MON1B: variants seen among roughly 807,000 people sequenced by gnomAD.
MON1B encodes the protein vacuolar fusion protein MON1 homolog B.
MON1B carries 26 observed loss-of-function variants against 45.1 expected under a neutral mutation model. That is an observed-to-expected ratio of 0.58 (90% confidence interval 0.42 to 0.80). The LOEUF is 0.80. MON1B is among the 30% of genes least tolerant of loss of function. The probability of loss-of-function intolerance (pLI) is 0.00; values close to 1 mark genes in which losing one functional copy is unlikely to be tolerated. For synonymous variants in MON1B, 395 were observed against 320.2 expected (o/e 1.23, Z -2.49); for missense variants, 737 against 754.5 (o/e 0.98, Z 0.27).
Position 77,195,826 on chromosome 16 carries a change from C to G in MON1B, c.1443+144C>G, listed in dbSNP as rs1466469611. 8.5e-6 allele frequency: 8 copies of G among 941,416 alleles called. No homozygotes were observed. In the South Asian group the frequency reaches 1.0e-4, roughly 12 times the overall value. The allele number at this position is 941,416 out of a possible 1,614,324, so 58.3% of individuals were successfully genotyped here. On this transcript the variant is annotated intron_variant, in intron 5 of 5. Transcript: ENST00000248248. The stretch of plus-strand genomic sequence containing the variant: ...GCCTTGCCTGCAACACTGTCCCTGC[C>G]TTTACACACACATCTTTGAAGCCCC...
chr16:77,197,653 C>T (rs1451380170), intron 5 of MON1B, among the ~76,000 whole-genome samples: 1 of 152,044 alleles, frequency 6.6e-6, no homozygotes, highest in East Asian at 1.9e-4. Context: ...GGGGAGCGCT[C>T]TGGGAGGTGG....
rs757888203 is a variant in MON1B at position 77,199,438 on chromosome 16, C to G, written c.*1130C>G. On this transcript the variant is annotated 3_prime_UTR_variant, in exon 6 of 6. Coordinates refer to ENST00000248248, the MANE Select transcript of MON1B (RefSeq NM_014940.4). The stretch of plus-strand genomic sequence containing the variant: ...TCATCAAGCGAGGCTCGCGCGCAGG[C>G]CCCGCGTTGGAAAATGGCGGGGAAG... 25 of 1,551,444 alleles carry G rather than the reference C, an allele frequency of 1.6e-5. No individual in the cohort carries two copies. Among genetic ancestry groups the G allele is most frequent in the Middle Eastern group, 3.4e-4 (2 of 5,880 alleles).
chr16:77,194,415 C>A lies in MON1B; in HGVS notation c.556C>A (p.Leu186Met). 6.2e-7 allele frequency: 1 copy of A among 1,613,724 alleles called. No individual in the cohort carries two copies. The highest frequency in any genetic ancestry group is 1.1e-5 in the South Asian group (1 of 91,082). Residue 186 changes from leucine (L) to methionine (M), a missense_variant, in exon 4 of 6, where the codon CTG becomes ATG. By Grantham distance (15) the Leu-to-Met change is conservative. Coordinates refer to ENST00000248248, the MANE Select transcript of MON1B (RefSeq NM_014940.4). This position sits in a 1 kb window ranked among gnomAD's most constrained non-coding sequence, Gnocchi z 8.1. ...MSRTSQSAAQ[L>M]RGELLAVHAQ... ...ACGGACTTCTCAGTCAGCAGCCCAG[C>A]TGCGGGGGGAGCTGCTAGCTGTGCA... is the stretch of plus-strand genomic sequence containing the variant.
At chr16:77,195,425 G>A in intron 4 of MON1B, 110 bp from the exon 5 acceptor site, 4 of 1,342,304 alleles carry the variant, frequency 3.0e-6, no homozygotes, top group South Asian at 1.5e-5. Context: ...AGTCTCATGG[G>A]AGAGGCTCAG....
Position 77,194,978 on chromosome 16 carries a change from G to T in MON1B, c.1119G>T (p.Gly373=). 1 of 1,613,904 alleles carries T rather than the reference G, an allele frequency of 6.2e-7. No homozygotes were observed. Among genetic ancestry groups the T allele is most frequent in the Non-Finnish European group, 8.5e-7 (1 of 1,180,032 alleles). ...CCTGCCGGCGCCTGGTTGAAGATGGGATGCATGCCCTTGGTGCCATGCGTG... is the reference window on the plus strand; with the variant it reads ...CCTGCCGGCGCCTGGTTGAAGATGGTATGCATGCCCTTGGTGCCATGCGTG... ...MAACRRLVED[G]MHALGAMRAL... is the part of the protein sequence containing the mutation. Residue 373 remains glycine (G), a synonymous_variant, in exon 4 of 6, where the codon GGG becomes GGT. Transcript: ENST00000248248. This position sits in a 1 kb window ranked among gnomAD's most constrained non-coding sequence, Gnocchi z 8.1.
Position 77,193,337 on chromosome 16 carries a change from C to A in MON1B, c.149-114C>A. ...AGGGGCATAGGAGACACTTGGAGTTCTGCGTCAGCATGCAGGGGTCATGGA... is the reference window on the plus strand; with the variant it reads ...AGGGGCATAGGAGACACTTGGAGTTATGCGTCAGCATGCAGGGGTCATGGA... On this transcript the variant is annotated intron_variant, in intron 2 of 5. Transcript: ENST00000248248. This position sits in a 1 kb window ranked among gnomAD's most constrained non-coding sequence, Gnocchi z 5.0. The A allele has an allele frequency of 9.7e-7, 1 of 1,028,196 alleles. No homozygotes were observed. The highest frequency in any genetic ancestry group is 1.4e-6 in the Non-Finnish European group (1 of 710,170). 63.7% of individuals were successfully genotyped at this position (1,028,196 alleles called of 1,614,324 possible). A position where few individuals can be genotyped will look rare whatever the true frequency, so the allele number is the denominator to read the frequency against.
Position 77,200,252 on chromosome 16 carries a change from ATG to A in MON1B, c.*1948_*1949del, listed in dbSNP as rs759418378. The A allele has an allele frequency of 9.5e-6, 1 of 105,576 alleles. No homozygotes were observed. Among genetic ancestry groups the A allele is most frequent in the Non-Finnish European group, 2.0e-5 (1 of 49,640 alleles). 6.5% of individuals were successfully genotyped at this position (105,576 alleles called of 1,614,324 possible). On this transcript the variant is annotated 3_prime_UTR_variant, in exon 6 of 6. Coordinates refer to ENST00000248248, the MANE Select transcript of MON1B (RefSeq NM_014940.4). The stretch of plus-strand genomic sequence containing the variant: ...TGTGTGTATATATATATATATGTAT[ATG>A]TGTATATATATATATATGTGTATAT...
intron 5 of MON1B, among the ~76,000 whole-genome samples, chr16:77,196,346 A>G (rs2054665157): frequency 6.6e-6 from 1 of 150,768 alleles, no homozygotes; most frequent in African/African-American, 2.5e-5. Context: ...AGAAGCTGCA[A>G]AAACAATATA....
rs1031870471 is a variant in MON1B at position 77,193,302 on chromosome 16, C to T, written c.149-149C>T. 1.2e-5 allele frequency: 8 copies of T among 691,018 alleles called. No homozygotes were observed. Among genetic ancestry groups the T allele is most frequent in the East Asian group, 5.5e-5 (2 of 36,406 alleles). The allele number at this position is 691,018 out of a possible 1,614,324, so 42.8% of individuals were successfully genotyped here. On this transcript the variant is annotated intron_variant, in intron 2 of 5. Transcript: ENST00000248248. This position sits in a 1 kb window ranked among gnomAD's most constrained non-coding sequence, Gnocchi z 5.0. ...CATTGCGGGGTCCTAGGGCAGTCAT[C>T]GGGTCATTGAGGGGCATAGGAGACA...
In MON1B at chr16:77,201,066, G is replaced by C. The variant is rs1174928526; in HGVS notation, c.*2758G>C. 1.3e-5 allele frequency: 2 copies of C among 152,172 alleles called. No homozygotes were observed. Among genetic ancestry groups the C allele is most frequent in the African/African-American group, 4.8e-5 (2 of 41,434 alleles). The allele number at this position is 152,172 out of a possible 1,614,324, so 9.4% of individuals were successfully genotyped here. On this transcript the variant is annotated 3_prime_UTR_variant, in exon 6 of 6. Transcript: ENST00000248248. ...TGATTATTGCTTATTGCCTGACCTA[G>C]GATGTGAGCTCCATGAGAACAGAGA...
Position 77,198,445 on chromosome 16 carries a change from G to A in MON1B, c.*137G>A, listed in dbSNP as rs1597378628. 4.2e-6 allele frequency: 4 copies of A among 947,110 alleles called. No homozygotes were observed. Among genetic ancestry groups the A allele is most frequent in the South Asian group, 1.6e-5 (1 of 61,516 alleles). The allele number at this position is 947,110 out of a possible 1,614,324, so 58.7% of individuals were successfully genotyped here. The stretch of plus-strand genomic sequence containing the variant: ...CTAAGCAATGGGGCAAGGTCTGAGG[G>A]CCCACCGATGAGAGAGATGGTGGCA... On this transcript the variant is annotated 3_prime_UTR_variant, in exon 6 of 6. Coordinates refer to ENST00000248248, the MANE Select transcript of MON1B (RefSeq NM_014940.4).
chr16:77,199,253 T>TA lies in MON1B; in HGVS notation c.*946dup. ...CTAGTTCTGCCCTTGTTTGTGGAGT[T>TA]ACAGCCTCAAGGTTGTAGCATGTGT... On this transcript the variant is annotated 3_prime_UTR_variant, in exon 6 of 6. Transcript: ENST00000248248. 2 of 579,938 alleles carry TA rather than the reference T, an allele frequency of 3.4e-6. No individual in the cohort carries two copies. The highest frequency in any genetic ancestry group is 6.2e-6 in the Non-Finnish European group (2 of 321,488). The allele number at this position is 579,938 out of a possible 1,614,324, so 35.9% of individuals were successfully genotyped here. A position where few individuals can be genotyped will look rare whatever the true frequency, so the allele number is the denominator to read the frequency against.
rs1407345518 is a variant in MON1B at position 77,201,573 on chromosome 16, A to C, written c.*3265A>C. 6.6e-6 allele frequency: 1 copy of C among 152,196 alleles called. No individual in the cohort carries two copies. The highest frequency in any genetic ancestry group is 2.4e-5 in the African/African-American group (1 of 41,448). 9.4% of individuals were successfully genotyped at this position (152,196 alleles called of 1,614,324 possible). On this transcript the variant is annotated 3_prime_UTR_variant, in exon 6 of 6. Coordinates refer to ENST00000248248, the MANE Select transcript of MON1B (RefSeq NM_014940.4). ...TCGGCAGAGTATTTTTAGCATCTAA[A>C]ATGCTCTTCCACTTCGGCAGTGACC...
chr16:77,193,522 C>T lies in MON1B; in HGVS notation c.220C>T (p.Arg74Trp), dbSNP rs1184718449. 8.7e-6 allele frequency: 14 copies of T among 1,612,262 alleles called. No homozygotes were observed. The African/African-American group carries it at 9.3e-5, about 11-fold the overall frequency. ...GTCAGAGGCCCTGTCAAGCACCTCT[C>T]GGCTCTGGAGTCCTGCAGCCCCTGA... ...PQSEALSSTS[R>W]LWSPAAPENS... Residue 74 changes from arginine (R) to tryptophan (W), a missense_variant, in exon 3 of 6, where the codon CGG becomes TGG. Transcript: ENST00000248248. The surrounding 1 kb of genome is among the most constrained non-coding windows in gnomAD (Gnocchi z 5.0).
At chr16:77,197,269 C>T (rs1764962424) in intron 5 of MON1B, among the ~76,000 whole-genome samples, 1 of 151,796 alleles carries the variant, frequency 6.6e-6, no homozygotes, top group Non-Finnish European at 1.5e-5. Flanking sequence ...TGGTGGCATG[C>T]GCTTGTATCC....
Position 77,195,600 on chromosome 16 carries a change from G to A in MON1B, c.1361G>A (p.Arg454His), listed in dbSNP as rs1024267863. Residue 454 changes from arginine (R) to histidine (H), a missense_variant, in exon 5 of 6, where the codon CGC becomes CAC. Coordinates refer to ENST00000248248, the MANE Select transcript of MON1B (RefSeq NM_014940.4). ...CAGCGGCTGTCGGACCTGTACCACC[G>A]CCTGCATGCTCGTCTCCACAGCACC... is the stretch of plus-strand genomic sequence containing the variant. ...ERQRLSDLYH[R>H]LHARLHSTSR... The A allele has an allele frequency of 1.1e-5, 18 of 1,613,992 alleles. No homozygotes were observed. Among genetic ancestry groups the A allele is most frequent in the Admixed American group, 6.7e-5 (4 of 60,000 alleles).
At position 77,195,164 on chromosome 16, in the gene MON1B, G is replaced by A. The variant is rs1175896507; in HGVS notation, c.1295+10G>A. 6.4e-7 allele frequency: 1 copy of A among 1,566,178 alleles called. No homozygotes were observed. Among genetic ancestry groups the A allele is most frequent in the Non-Finnish European group, 8.6e-7 (1 of 1,161,756 alleles). ...TGCCCCAGTTTACCAGGTAGGCCCT[G>A]ACCCTAAGGCAACTGGCTGGGTGGG... On this transcript the variant is annotated intron_variant, in intron 4 of 5. Coordinates refer to ENST00000248248, the MANE Select transcript of MON1B (RefSeq NM_014940.4).
At position 77,199,633 on chromosome 16, in the gene MON1B, C is replaced by A. The variant is rs2054708892; in HGVS notation, c.*1325C>A. 9 of 887,270 alleles carry A rather than the reference C, an allele frequency of 1.0e-5. No homozygotes were observed. The highest frequency in any genetic ancestry group is 1.8e-5 in the South Asian group (1 of 55,296). The allele number at this position is 887,270 out of a possible 1,614,324, so 55.0% of individuals were successfully genotyped here. On this transcript the variant is annotated 3_prime_UTR_variant, in exon 6 of 6. Coordinates refer to ENST00000248248, the MANE Select transcript of MON1B (RefSeq NM_014940.4). ...AATTTTTTTAAATAAAATGTTAAGC[C>A]TTTTGTTATTGAAGAAAAACAATTT...
Position 77,194,146 on chromosome 16 carries a change from C to T in MON1B, c.476-189C>T, listed in dbSNP as rs1186097698. On this transcript the variant is annotated intron_variant, in intron 3 of 5. Coordinates refer to ENST00000248248, the MANE Select transcript of MON1B (RefSeq NM_014940.4). The surrounding 1 kb of genome is among the most constrained non-coding windows in gnomAD (Gnocchi z 8.1). Reference sequence around the variant, plus strand: ...CTAACCTACTTGTTCCTTTGTCCATCCCATCATGTCTCTGCAAATGTCCAG... The same window carrying T: ...CTAACCTACTTGTTCCTTTGTCCATTCCATCATGTCTCTGCAAATGTCCAG... The T allele has an allele frequency of 2.9e-6, 2 of 678,310 alleles. No homozygotes were observed. The highest frequency in any genetic ancestry group is 2.6e-6 in the Non-Finnish European group (1 of 380,128). 42.0% of individuals were successfully genotyped at this position (678,310 alleles called of 1,614,324 possible).
Sources: gnomAD v4.1 joint callset for allele counts (sites outside exome capture counted in the v4.1 genomes callset) on GRCh38, gnomAD v4.1.1 for gene constraint, Gnocchi (gnomAD v3.1) non-coding constraint, MANE v1.5 for transcripts, NCBI Gene and HGNC (gene_info 2026-07-23, HGNC 2026-07-21) for gene names.